DLG2: variants seen among roughly 807,000 people sequenced by gnomAD.
DLG2 encodes disks large homolog 2.
DLG2 carries 45 observed loss-of-function variants against 132.5 expected under a neutral mutation model. The observed-to-expected ratio is 0.34, with a 90% CI of 0.27 to 0.44. DLG2 has a LOEUF of 0.44. DLG2 is among the 20% of genes least tolerant of loss of function. The probability of loss-of-function intolerance (pLI) is 1.00; values close to 1 mark genes in which losing one functional copy is unlikely to be tolerated. For missense variants in DLG2, 1,045 were observed against 1,196.9 expected (o/e 0.87, Z 1.87); for synonymous variants, 424 against 419.6 (o/e 1.01, Z -0.13).
chr11:85,588,583 T>C (rs1044637345), intron 3 of DLG2, among the ~76,000 whole-genome samples: 7 of 152,212 alleles, frequency 4.6e-5, no homozygotes, highest in Non-Finnish European at 2.9e-5. Flanking sequence ...ATCCATATCC[T>C]GTATTGTTTT....
chr11:83,932,931 C>T (rs777513404), intron 14 of DLG2, among the ~76,000 whole-genome samples: 10 of 152,192 alleles, frequency 6.6e-5, no homozygotes, highest in Non-Finnish European at 1.5e-4. Flanking sequence ...GTTTCTTGTG[C>T]GTTTGAGTTT....
chr11:83,998,929 T>C (rs2094190644), intron 11 of DLG2, among the ~76,000 whole-genome samples: 1 of 152,170 alleles, frequency 6.6e-6, no homozygotes. Flanking sequence ...GAACAAGGCA[T>C]GAACTACAGC....
At chr11:84,795,795 A>G in intron 6 of DLG2, among the ~76,000 whole-genome samples, 1 of 152,098 alleles carries the variant, frequency 6.6e-6, no homozygotes, top group East Asian at 1.9e-4. Context: ...GGTTTCTGGC[A>G]TCTCCAAGCT....
At chr11:84,451,960 A>C (rs2099052741) in intron 7 of DLG2, among the ~76,000 whole-genome samples, 1 of 151,758 alleles carries the variant, frequency 6.6e-6, no homozygotes, top group African/African-American at 2.4e-5. Context: ...TTGAACTCAC[A>C]GATCTATCAC....
intron 11 of DLG2, among the ~76,000 whole-genome samples, chr11:84,031,038 C>T (rs577719817): frequency 6.6e-5 from 10 of 152,080 alleles, no homozygotes; most frequent in African/African-American, 1.4e-4. Context: ...CAGTTCTATC[C>T]GGAAAACCAT....
At chr11:85,311,898 G>A (rs1596147795) in intron 3 of DLG2, among the ~76,000 whole-genome samples, 1 of 152,104 alleles carries the variant, frequency 6.6e-6, no homozygotes, top group East Asian at 1.9e-4. Flanking sequence ...ATAGTATAAA[G>A]TATGCTGCCA....
At chr11:83,795,441 A>ATATCTATATCTATATC (rs10658664) in intron 17 of DLG2, among the ~76,000 whole-genome samples, 2,514 of 147,414 alleles carry the variant, frequency 0.017, 37 homozygotes, top group Middle Eastern at 0.043. Context: ...ATCTATATCT[A>ATATCTATATCTATATC]TATATCTATA....
At chr11:84,363,068 C>G (rs1331282197) in intron 7 of DLG2, among the ~76,000 whole-genome samples, 1 of 149,652 alleles carries the variant, frequency 6.7e-6, no homozygotes, top group Non-Finnish European at 1.5e-5. Context: ...AGTTCTAGAT[C>G]CCTGAGGAAT....
chr11:85,610,401 G>A (rs2080905272), intron 2 of DLG2, among the ~76,000 whole-genome samples: 1 of 152,208 alleles, frequency 6.6e-6, no homozygotes, highest in South Asian at 2.1e-4. Flanking sequence ...AGAGGAAGCA[G>A]AATGGTTCAC....
chr11:85,455,886 A>G (rs1305222215), intron 3 of DLG2, among the ~76,000 whole-genome samples: 1 of 152,078 alleles, frequency 6.6e-6, no homozygotes, highest in Non-Finnish European at 1.5e-5. Context: ...GTTATGGTGG[A>G]TTAGATTTTT....
chr11:84,291,111 T>A (rs1345164101), intron 7 of DLG2, among the ~76,000 whole-genome samples: 1 of 152,174 alleles, frequency 6.6e-6, no homozygotes, highest in African/African-American at 2.4e-5. Flanking sequence ...CAGTAAATTA[T>A]CTAGGAATCT....
At chr11:84,686,237 A>G (rs945068113) in intron 6 of DLG2, among the ~76,000 whole-genome samples, 1 of 152,192 alleles carries the variant, frequency 6.6e-6, no homozygotes, top group Non-Finnish European at 1.5e-5. Flanking sequence ...GCAGTTCTCC[A>G]TAAGAGGCTG....
chr11:85,486,904 C>A (rs1434740792), intron 3 of DLG2, among the ~76,000 whole-genome samples: 3 of 150,124 alleles, frequency 2.0e-5, no homozygotes, highest in East Asian at 2.0e-4. Flanking sequence ...AAAGAGACAC[C>A]ACCACTGCCA....
chr11:83,614,349 A>G (rs896056041), intron 19 of DLG2, among the ~76,000 whole-genome samples: 10 of 152,220 alleles, frequency 6.6e-5, no homozygotes, highest in African/African-American at 1.2e-4. Flanking sequence ...CAGAGACTCA[A>G]TTTTTACCAG....
At position 84,110,505 on chromosome 11, in the gene DLG2, T is replaced by C. The variant is rs368347612; in HGVS notation, c.625-11458A>G. 3.9e-5 allele frequency among the ~76,000 whole-genome samples: 6 copies of C among 152,250 alleles called. No homozygotes were observed. In the South Asian group the frequency reaches 1.0e-3, roughly 26 times the overall value. On this transcript the variant is annotated intron_variant, in intron 9 of 27. Coordinates refer to ENST00000376104, the MANE Select transcript of DLG2 (RefSeq NM_001142699.3). ...CAAGACAGGATTAAATCTAAGAATT[T>C]TGTTAGGGGAAATGCTTGTGAAGGA...
At chr11:85,110,991 G>C (rs2152318517) in intron 6 of DLG2, among the ~76,000 whole-genome samples, 1 of 152,206 alleles carries the variant, frequency 6.6e-6, no homozygotes, top group African/African-American at 2.4e-5. Context: ...GTATTACAGA[G>C]TATCATACAT....
intron 3 of DLG2, among the ~76,000 whole-genome samples, chr11:85,426,442 G>A (rs1005885336): frequency 1.3e-5 from 2 of 152,144 alleles, no homozygotes; most frequent in Admixed American, 1.3e-4. Context: ...CCAGAGGAAC[G>A]ATCAGGCAGC....
chr11:85,034,577 T>C (rs751079770), intron 6 of DLG2, among the ~76,000 whole-genome samples: 3 of 152,166 alleles, frequency 2.0e-5, no homozygotes, highest in Non-Finnish European at 2.9e-5. Flanking sequence ...ACAGAATTCC[T>C]TTTTTCTCCA....
chr11:83,615,894 C>T (rs116575636), intron 19 of DLG2, among the ~76,000 whole-genome samples: 2,669 of 152,206 alleles, frequency 0.018, 98 homozygotes, highest in African/African-American at 0.061. Flanking sequence ...TGGTGAGACC[C>T]ATAGTGGACA....
Sources: gnomAD v4.1 joint callset for allele counts (sites outside exome capture counted in the v4.1 genomes callset) on GRCh38, gnomAD v4.1.1 for gene constraint, MANE v1.5 for transcripts, NCBI Gene and HGNC (gene_info 2026-07-23, HGNC 2026-07-21) for gene names.